ENOX2: variants seen among roughly 807,000 people sequenced by gnomAD.
ENOX2 encodes the protein ecto-NOX disulfide-thiol exchanger 2.
ENOX2 carries 36 observed loss-of-function variants against 45.0 expected under a neutral mutation model. The observed-to-expected ratio is 0.80, with a 90% confidence interval of 0.61 to 1.06. The LOEUF (loss-of-function observed/expected upper bound fraction) is 1.06. Ranked by LOEUF, ENOX2 falls within the 50% of genes least tolerant of loss-of-function variation. ENOX2 has a pLI of 0.00. For missense variants in ENOX2, 423 were observed against 462.5 expected (o/e 0.91, Z 0.78); for synonymous variants, 174 against 152.3 (o/e 1.14, Z -1.05).
intron 2 of ENOX2, among the ~76,000 whole-genome samples, chrX:130,871,602 G>T (rs908231717): frequency 5.4e-5 from 6 of 111,340 alleles, no homozygotes; most frequent in Non-Finnish European, 1.1e-4. Context: ...AGTTGAATAC[G>T]ATTTACAAAG....
chrX:130,631,669 C>A (rs1359730287), intron 12 of ENOX2, 93 bp from the exon 13 acceptor site: 1 of 480,149 alleles, frequency 2.1e-6, no homozygotes, highest in Non-Finnish European at 3.7e-6. Flanking sequence ...AACACAGGAC[C>A]ATAAAAACAA....
At chrX:130,708,439 C>T (rs1298213230) in intron 3 of ENOX2, among the ~76,000 whole-genome samples, 1 of 111,896 alleles carries the variant, frequency 8.9e-6, no homozygotes, top group Non-Finnish European at 1.9e-5. Flanking sequence ...GGTAGTAGAG[C>T]AAGAATATAA....
At chrX:130,659,539 G>A (rs903171548) in intron 9 of ENOX2, among the ~76,000 whole-genome samples, 3 of 112,315 alleles carry the variant, frequency 2.7e-5, no homozygotes, top group Non-Finnish European at 5.6e-5. Flanking sequence ...TCTCATTTCT[G>A]AGAATTCATT....
chrX:130,783,862 T>C (rs925788033), intron 2 of ENOX2, among the ~76,000 whole-genome samples, 172 bp from the exon 3 acceptor site: 2 of 112,046 alleles, frequency 1.8e-5, no homozygotes, highest in Non-Finnish European at 3.8e-5. Context: ...ATCTTTTCGG[T>C]AAGTACAAAA....
chrX:130,789,892 C>T (rs780724790), intron 2 of ENOX2, among the ~76,000 whole-genome samples: 1 of 112,260 alleles, frequency 8.9e-6, no homozygotes, highest in South Asian at 3.8e-4. Context: ...TCATTCTAGG[C>T]CTCAAAACCA....
At chrX:130,788,399 A>G (rs1234150933) in intron 2 of ENOX2, among the ~76,000 whole-genome samples, 1 of 111,686 alleles carries the variant, frequency 9.0e-6, no homozygotes. Context: ...TTATTCTTCT[A>G]TTTCTATAGA....
intron 3 of ENOX2, among the ~76,000 whole-genome samples, chrX:130,752,335 G>A (rs1189374233): frequency 9.1e-6 from 1 of 109,601 alleles, no homozygotes; most frequent in East Asian, 2.9e-4. Context: ...TTTCTGTCTT[G>A]CTCTCTGTGT....
chrX:130,790,589 G>C (rs1391041830), intron 2 of ENOX2, among the ~76,000 whole-genome samples: 3 of 112,367 alleles, frequency 2.7e-5, no homozygotes, highest in Non-Finnish European at 5.6e-5. Context: ...ATCACATTTT[G>C]AGTCAAAAGG....
At chrX:130,900,777 A>G (rs747405531) in intron 2 of ENOX2, among the ~76,000 whole-genome samples, 1 of 111,628 alleles carries the variant, frequency 9.0e-6, no homozygotes, top group African/African-American at 3.3e-5. Context: ...TTATCCCTCC[A>G]TAGCATTTTG....
intron 3 of ENOX2, among the ~76,000 whole-genome samples, chrX:130,763,200 T>C (rs1367317760): frequency 9.0e-6 from 1 of 111,241 alleles, no homozygotes; most frequent in African/African-American, 3.3e-5. Flanking sequence ...TCCTTCCTGA[T>C]GTTTCGAGGT....
chrX:130,730,592 C>T (rs2038714831), intron 3 of ENOX2, among the ~76,000 whole-genome samples: 1 of 112,154 alleles, frequency 8.9e-6, no homozygotes, highest in African/African-American at 3.2e-5. Flanking sequence ...TAAGGATGCA[C>T]CTGTGACACA....
chrX:130,810,635 T>C (rs2077376148), intron 2 of ENOX2, among the ~76,000 whole-genome samples: 1 of 111,494 alleles, frequency 9.0e-6, no homozygotes, highest in South Asian at 3.8e-4. Context: ...CCTCAGGCAC[T>C]AGGCTAGACC....
At chrX:130,852,050 C>T (rs1052378399) in intron 2 of ENOX2, among the ~76,000 whole-genome samples, 2 of 111,605 alleles carry the variant, frequency 1.8e-5, no homozygotes, top group Non-Finnish European at 3.8e-5. Context: ...AAGACCTTGC[C>T]CCTATCCTAG....
chrX:130,789,871 C>T (rs921236091), intron 2 of ENOX2, among the ~76,000 whole-genome samples: 5 of 112,212 alleles, frequency 4.5e-5, no homozygotes, highest in Non-Finnish European at 9.4e-5. Flanking sequence ...TCATTCACCC[C>T]TCCTGCTTCC....
Position 130,670,007 on chromosome X carries a change from A to T in ENOX2, c.652T>A (p.Tyr218Asn). Reference sequence around the variant, plus strand: ...ACAATGCTGCATTCATGATCTGAATAGTGGACCACTGGGGGTGGAGATGGT... The same window carrying T: ...ACAATGCTGCATTCATGATCTGAATTGTGGACCACTGGGGGTGGAGATGGT... Reference protein sequence around the residue: ...RPPSPPPVVHYSDHECSIVAE... With the variant: ...RPPSPPPVVHNSDHECSIVAE... Residue 218 changes from tyrosine to asparagine, a missense_variant, in exon 7 of 15, where the codon TAT becomes AAT. Around this residue, in one of 5 missense-constraint regions of ENOX2, gnomAD observed 261 missense variants for 306.8 expected, o/e 0.85. Transcript: ENST00000394363. 8.3e-7 allele frequency: 1 copy of T among 1,210,907 alleles called. No individual in the cohort carries two copies. The highest frequency in any genetic ancestry group is 1.1e-6 in the Non-Finnish European group (1 of 894,444).
Position 130,656,634 on chromosome X carries a change from A to T in ENOX2, c.1076T>A (p.Met359Lys). The T allele has an allele frequency of 8.4e-7, 1 of 1,184,605 alleles. No individual in the cohort carries two copies. The highest frequency in any genetic ancestry group is 1.1e-6 in the Non-Finnish European group (1 of 873,521). The change falls in exon 10 of 15, where the codon ATG (methionine) becomes AAG (lysine). Residue 359 changes from methionine (M) to lysine (K), a missense_variant. Met to Lys is a moderately conservative substitution (Grantham distance 95, BLOSUM62 -1). Around this residue, in one of 5 missense-constraint regions of ENOX2, gnomAD observed 261 missense variants for 306.8 expected, o/e 0.85. Transcript: ENST00000394363. ...MGIRREEEME[M>K]SDDEIEEMTE... ...CATTTCTTCTATTTCATCATCAGACATTTCCATTTCTTCTTCTCGCCTGAT... is the reference window on the plus strand; with the variant it reads ...CATTTCTTCTATTTCATCATCAGACTTTTCCATTTCTTCTTCTCGCCTGAT...
intron 2 of ENOX2, among the ~76,000 whole-genome samples, chrX:130,800,030 AT>A (rs1169029013): frequency 9.0e-6 from 1 of 111,461 alleles, no homozygotes; most frequent in African/African-American, 3.3e-5. Flanking sequence ...CTTGCCATCA[AT>A]TAATATTATT....
chrX:130,855,362 T>C (rs1488009397), intron 2 of ENOX2, among the ~76,000 whole-genome samples: 1 of 112,066 alleles, frequency 8.9e-6, no homozygotes, highest in African/African-American at 3.2e-5. Flanking sequence ...TATAAATACT[T>C]AGGTATAAAT....
chrX:130,803,220 GT>G (rs1403429150), intron 2 of ENOX2, among the ~76,000 whole-genome samples: 1 of 111,708 alleles, frequency 9.0e-6, no homozygotes, highest in Admixed American at 9.5e-5. Flanking sequence ...TAAATACTTT[GT>G]TTTGAAAATA....
Sources: allele counts gnomAD v4.1 joint callset (sites outside exome capture counted in the v4.1 genomes callset), GRCh38; gene constraint gnomAD v4.1.1; regional missense constraint gnomAD v4.1.1; transcripts MANE v1.5; gene names NCBI Gene and HGNC (gene_info 2026-07-23, HGNC 2026-07-21).